The following SYNJ2 variants were observed in gnomAD, a reference collection of about 807,000 sequenced individuals.
The protein encoded by SYNJ2 is polyphosphatidylinositol phosphatase SYNJ2.
In SYNJ2, 116 loss-of-function variants were observed where a neutral mutation model predicts 141.3. The ratio of observed to expected loss-of-function variants is 0.82; its 90% confidence interval spans 0.71 to 0.96. The LOEUF (loss-of-function observed/expected upper bound fraction) is 0.96. Ranked by LOEUF, SYNJ2 falls within the 40% of genes least tolerant of loss-of-function variation. The pLI is 0.00. For synonymous variants in SYNJ2, 745 were observed against 777.7 expected, an observed-to-expected ratio of 0.96 and a Z score of 0.70; for missense variants, 1,873 against 1,934.8, an observed-to-expected ratio of 0.97 and a Z score of 0.60.
intron 1 of SYNJ2, among the ~76,000 whole-genome samples, chr6:158,004,921 G>C: frequency 6.6e-6 from 1 of 151,848 alleles, no homozygotes; most frequent in Non-Finnish European, 1.5e-5. Flanking sequence ...TCCTTCGGAG[G>C]ACCTTCGCCC....
chr6:158,098,853 AC>A lies in SYNJ2; in HGVS notation c.*2491del, dbSNP rs1307278068. ...CCCCAAGCCTAGTCCCTTTTACATC[AC>A]CATCTTCTCAGACTTCTTGCCTATT... On this transcript the variant is annotated 3_prime_UTR_variant, in exon 27 of 27. Coordinates refer to ENST00000355585, the MANE Select transcript of SYNJ2 (RefSeq NM_003898.4). The A allele has an allele frequency of 2.6e-5, 4 of 152,118 alleles. No individual in the cohort carries two copies. The highest frequency in any genetic ancestry group is 5.9e-5 in the Non-Finnish European group (4 of 68,024). The allele number at this position is 152,118 out of a possible 1,614,324, so 9.4% of individuals were successfully genotyped here. A position where few individuals can be genotyped will look rare whatever the true frequency, so the allele number is the denominator to read the frequency against.
Position 158,051,967 on chromosome 6 carries a change from A to G in SYNJ2, c.796-3000A>G, listed in dbSNP as rs373573467. ...TAAGACCCTGTCTCAAAGAAAAAAAAAAGAAGAAGAAGAATAAGAAGAAAA... is the reference window on the plus strand; with the variant it reads ...TAAGACCCTGTCTCAAAGAAAAAAAGAAGAAGAAGAAGAATAAGAAGAAAA... On this transcript the variant is annotated intron_variant, in intron 5 of 26. Transcript: ENST00000355585. Among the ~76,000 whole-genome samples, 579 of 151,934 alleles carry G rather than the reference A, an allele frequency of 3.8e-3. 2 individuals carry two copies. The highest frequency in any genetic ancestry group is 0.013 in the African/African-American group (554 of 41,416).
chr6:158,087,315 G>A (rs980901792), intron 23 of SYNJ2, among the ~76,000 whole-genome samples: 1 of 152,210 alleles, frequency 6.6e-6, no homozygotes, highest in African/African-American at 2.4e-5. Flanking sequence ...GAGCTTCGCA[G>A]TCAGAAGTCT....
chr6:158,012,524 A>G (rs1778304473), intron 1 of SYNJ2, among the ~76,000 whole-genome samples: 1 of 152,224 alleles, frequency 6.6e-6, no homozygotes, highest in African/African-American at 2.4e-5. Context: ...GCTGCAAGAG[A>G]CAAGGAAATG....
At chr6:158,066,920 C>T (rs533990458) in intron 12 of SYNJ2, among the ~76,000 whole-genome samples, 4 of 152,280 alleles carry the variant, frequency 2.6e-5, no homozygotes, top group Non-Finnish European at 4.4e-5. Flanking sequence ...AGAATCTTTT[C>T]GTCACCAGTC....
At chr6:158,061,838 G>A (rs371583576) in intron 7 of SYNJ2, among the ~76,000 whole-genome samples, 154 bp from the exon 8 acceptor site, 17 of 152,170 alleles carry the variant, frequency 1.1e-4, no homozygotes, top group African/African-American at 3.1e-4. Flanking sequence ...TCCCTTTTGG[G>A]GTCAACTGCC....
chr6:157,986,576 C>T (rs1777213635), intron 1 of SYNJ2, among the ~76,000 whole-genome samples: 2 of 152,000 alleles, frequency 1.3e-5, no homozygotes, highest in Admixed American at 6.6e-5. Context: ...CCAAATGATC[C>T]GCCCACCTCA....
At chr6:158,049,627 C>G (rs1196901318) in intron 5 of SYNJ2, among the ~76,000 whole-genome samples, 2 of 152,200 alleles carry the variant, frequency 1.3e-5, no homozygotes, top group Non-Finnish European at 2.9e-5. Flanking sequence ...GATGGAGGGA[C>G]CCAGCCTGAG....
chr6:158,006,460 C>T (rs1440326398), intron 1 of SYNJ2, among the ~76,000 whole-genome samples: 2 of 152,192 alleles, frequency 1.3e-5, no homozygotes, highest in Non-Finnish European at 2.9e-5. Context: ...ACTGCTCTTG[C>T]TTCCTTGAAA....
At chr6:158,032,756 A>G (rs192555710) in intron 3 of SYNJ2, among the ~76,000 whole-genome samples, 1 of 152,248 alleles carries the variant, frequency 6.6e-6, no homozygotes, top group East Asian at 1.9e-4. Context: ...ATCCACCCCA[A>G]AGTACTTAGA....
chr6:158,075,641 A>G (rs1386018234), intron 16 of SYNJ2, among the ~76,000 whole-genome samples: 2 of 148,358 alleles, frequency 1.3e-5, no homozygotes, highest in East Asian at 2.0e-4. Context: ...CTCCGTCTCA[A>G]AAAAAAAAAA....
chr6:158,054,083 AT>A (rs1780727356), intron 5 of SYNJ2, among the ~76,000 whole-genome samples: 1 of 148,714 alleles, frequency 6.7e-6, no homozygotes, highest in African/African-American at 2.5e-5. Context: ...CCATTCAGCC[AT>A]CCACCCATCC....
At chr6:158,090,144 T>C (rs916592129) in intron 25 of SYNJ2, among the ~76,000 whole-genome samples, 197 bp downstream of exon 25, 3 of 152,236 alleles carry the variant, frequency 2.0e-5, no homozygotes, top group Non-Finnish European at 4.4e-5. Context: ...TTCAAAATTC[T>C]GTGTGTATAT....
intron 1 of SYNJ2, among the ~76,000 whole-genome samples, chr6:158,005,139 G>A (rs552177900): frequency 1.1e-3 from 162 of 148,948 alleles, no homozygotes; most frequent in Non-Finnish European, 2.1e-3. Context: ...GTGCAGTGGC[G>A]CGATCTCGGC....
intron 17 of SYNJ2, 92 bp downstream of exon 17, chr6:158,076,874 T>C (rs1782331356): frequency 7.0e-7 from 1 of 1,423,762 alleles, no homozygotes; most frequent in South Asian, 1.4e-5. Context: ...CAGGCGCTGC[T>C]ACATAAATCA....
rs372497210 is a variant in SYNJ2, at chr6:158,016,948, G to A, written c.128-256G>A. On this transcript the variant is annotated intron_variant, in intron 1 of 26. Coordinates refer to ENST00000355585, the MANE Select transcript of SYNJ2 (RefSeq NM_003898.4). ...CCCCAGCTGGACGCCAGAACCCCAGGACCCCAGCTCCTCCAGCCCCCAGGA... is the reference window on the plus strand; with the variant it reads ...CCCCAGCTGGACGCCAGAACCCCAGAACCCCAGCTCCTCCAGCCCCCAGGA... 8 of 1,171,392 alleles carry A rather than the reference G, an allele frequency of 6.8e-6. 1 individual carries two copies. The African/African-American group carries it at 1.3e-4, about 19-fold the overall frequency. 72.6% of individuals were successfully genotyped at this position (1,171,392 alleles called of 1,614,324 possible). A position where few individuals can be genotyped will look rare whatever the true frequency, so the allele number is the denominator to read the frequency against.
chr6:158,084,950 G>A lies in SYNJ2; in HGVS notation c.3208+776G>A, dbSNP rs2128393253. On this transcript the variant is annotated intron_variant, in intron 22 of 26. Coordinates refer to ENST00000355585, the MANE Select transcript of SYNJ2 (RefSeq NM_003898.4). This position sits in a 1 kb window ranked among gnomAD's most constrained non-coding sequence, Gnocchi z 5.0. Reference sequence around the variant, plus strand: ...AGTCATGTCATACGGTCACATCATTGTATCATTTTAGACTTCAGAGGGCCT... The same window carrying A: ...AGTCATGTCATACGGTCACATCATTATATCATTTTAGACTTCAGAGGGCCT... 6.6e-6 allele frequency among the ~76,000 whole-genome samples: 1 copy of A among 151,162 alleles called. No individual in the cohort carries two copies. Among genetic ancestry groups the A allele is most frequent in the Admixed American group, 6.6e-5 (1 of 15,146 alleles).
chr6:158,088,593 C>A, intron 23 of SYNJ2, 67 bp from the exon 24 acceptor site: 1 of 1,229,166 alleles, frequency 8.1e-7, no homozygotes, highest in Non-Finnish European at 1.2e-6. Context: ...TAGTCGGGCT[C>A]CTGGCAGCTG....
rs994618601 is a variant in SYNJ2 at position 158,070,880 on chromosome 6, T to C, written c.1941-722T>C. ...CCAGCATAAACAGCTGCCCGTTTCC[T>C]AGCTCTTAAAGTGCATTGATTGCTG... is the stretch of plus-strand genomic sequence containing the variant. On this transcript the variant is annotated intron_variant, in intron 14 of 26. Transcript: ENST00000355585. The surrounding 1 kb of genome is among the most constrained non-coding windows in gnomAD (Gnocchi z 4.0). 2.0e-5 allele frequency among the ~76,000 whole-genome samples: 3 copies of C among 152,206 alleles called. No homozygotes were observed. Among genetic ancestry groups the C allele is most frequent in the Non-Finnish European group, 2.9e-5 (2 of 68,030 alleles).
Sources: allele counts gnomAD v4.1 joint callset (sites outside exome capture counted in the v4.1 genomes callset), GRCh38; gene constraint gnomAD v4.1.1; non-coding constraint Gnocchi (gnomAD v3.1); transcripts MANE v1.5; gene names NCBI Gene and HGNC (gene_info 2026-07-23, HGNC 2026-07-21).